The following EPB41L3 variants were observed in gnomAD, a reference collection of about 807,000 sequenced individuals.
EPB41L3 encodes erythrocyte membrane protein band 4.1 like 3, also known as band 4.1-like protein 3.
EPB41L3 carries 57 observed loss-of-function variants against 127.1 expected under a neutral mutation model. The observed-to-expected ratio is 0.45, with a 90% CI of 0.36 to 0.56. The LOEUF is 0.56. Ranked by LOEUF, EPB41L3 falls within the 20% of genes least tolerant of loss-of-function variation. The pLI, the probability that EPB41L3 is intolerant of heterozygous loss-of-function variation, is 0.00. For synonymous variants in EPB41L3, 572 were observed against 549.5 expected, an observed-to-expected ratio of 1.04 and a Z score of -0.57; for missense variants, 1,273 against 1,372.2, an observed-to-expected ratio of 0.93 and a Z score of 1.14.
At chr18:5,459,738 G>C (rs1308183687) in intron 3 of EPB41L3, among the ~76,000 whole-genome samples, 1 of 152,124 alleles carries the variant, frequency 6.6e-6, no homozygotes, top group Non-Finnish European at 1.5e-5. Context: ...GTGTGTAACA[G>C]ACATACTTAT....
chr18:5,480,269 T>C (rs986232705), intron 2 of EPB41L3: 1 of 152,176 alleles, frequency 6.6e-6, no homozygotes, highest in Non-Finnish European at 1.5e-5. Context: ...GGCCCTTACA[T>C]ACATTTTTTA....
At chr18:5,600,047 A>G (rs1490877757) in intron 3 of EPB41L3, among the ~76,000 whole-genome samples, 1 of 152,228 alleles carries the variant, frequency 6.6e-6, no homozygotes, top group Admixed American at 6.5e-5. Context: ...TGCTAAGTAA[A>G]CAATTCTGAA....
intron 1 of EPB41L3, among the ~76,000 whole-genome samples, chr18:5,541,566 G>C (rs1012838303): frequency 5.3e-5 from 8 of 152,084 alleles, no homozygotes; most frequent in Non-Finnish European, 1.2e-4. Context: ...CTTCTACCTA[G>C]GTGGCCCTTT....
At chr18:5,493,381 C>G (rs1348279921) in intron 1 of EPB41L3, among the ~76,000 whole-genome samples, 1 of 152,076 alleles carries the variant, frequency 6.6e-6, no homozygotes, top group African/African-American at 2.4e-5. Context: ...CTCAAATGGA[C>G]AAACTTTTTA....
At chr18:5,435,776 A>G (rs1022445510) in intron 6 of EPB41L3, among the ~76,000 whole-genome samples, 2 of 152,222 alleles carry the variant, frequency 1.3e-5, no homozygotes, top group African/African-American at 4.8e-5. Flanking sequence ...TACGAGCAAA[A>G]CAGATTTCAG....
At position 5,534,157 on chromosome 18, in the gene EPB41L3, C is replaced by T. The variant is rs567394285; in HGVS notation, c.-12+9756G>A. Among the ~76,000 whole-genome samples the T allele has an allele frequency of 6.6e-5, 10 of 151,854 alleles. No individual in the cohort carries two copies. In the South Asian group the frequency reaches 1.7e-3, roughly 25 times the overall value. On this transcript the variant is annotated intron_variant, in intron 1 of 22. Transcript: ENST00000341928. ...CAGCCTGGGTGACAGAGCGAGACTC[C>T]GTCTCAAAAAAAAGAAAAAAGAAAG...
At chr18:5,457,469 G>A (rs564353493) in intron 3 of EPB41L3, among the ~76,000 whole-genome samples, 48 of 151,930 alleles carry the variant, frequency 3.2e-4, no homozygotes, top group Non-Finnish European at 6.2e-4. Flanking sequence ...AGTAGGCAGT[G>A]AAGTGAAAAT....
intron 1 of EPB41L3, among the ~76,000 whole-genome samples, chr18:5,502,384 C>A (rs1222225570): frequency 6.6e-6 from 1 of 150,770 alleles, no homozygotes; most frequent in Non-Finnish European, 1.5e-5. Flanking sequence ...AGGTATTTTT[C>A]TAAGGTTTAA....
At chr18:5,623,456 A>T (rs997845420) in intron 1 of EPB41L3, among the ~76,000 whole-genome samples, 2 of 152,116 alleles carry the variant, frequency 1.3e-5, no homozygotes, top group Admixed American at 6.5e-5. Context: ...ATTCCTAGTG[A>T]GCAATGGACT....
Position 5,603,623 on chromosome 18 carries a change from G to A in EPB41L3, c.-306+8717C>T, listed in dbSNP as rs980104656. Among the ~76,000 whole-genome samples the A allele has an allele frequency of 2.6e-5, 4 of 152,132 alleles. No homozygotes were observed. In the East Asian group the frequency reaches 5.8e-4, roughly 22 times the overall value. On this transcript the variant is annotated intron_variant, in intron 3 of 21. Coordinates refer to the EPB41L3 transcript ENST00000545076. ...AAGAAGGCTGGGCATGGTGGCTCAC[G>A]CCTAATCTCAGCACTTTGGGAGGCC... is the stretch of plus-strand genomic sequence containing the variant.
chr18:5,556,073 C>T (rs2149172323), intron 3 of EPB41L3, among the ~76,000 whole-genome samples: 1 of 152,332 alleles, frequency 6.6e-6, no homozygotes, highest in African/African-American at 2.4e-5. Context: ...CTACTCACCA[C>T]TGTGTCCCCA....
chr18:5,406,716 C>T, intron 16 of EPB41L3, 61 bp downstream of exon 16: 1 of 1,463,226 alleles, frequency 6.8e-7, no homozygotes, highest in South Asian at 1.2e-5. Flanking sequence ...AATTCCACAC[C>T]CTGTAGAGAA....
Position 5,397,563 on chromosome 18 carries a change from A to C in EPB41L3, c.2473-137T>G. The C allele has an allele frequency of 9.1e-7, 1 of 1,098,558 alleles. No individual in the cohort carries two copies. The highest frequency in any genetic ancestry group is 1.3e-6 in the Non-Finnish European group (1 of 783,188). The allele number at this position is 1,098,558 out of a possible 1,614,324, so 68.1% of individuals were successfully genotyped here. ...ACCAGAAACACTGACGAAAAATATAAATTAGCTTTCATTTCTCCCACTGAA... is the reference window on the plus strand; with the variant it reads ...ACCAGAAACACTGACGAAAAATATACATTAGCTTTCATTTCTCCCACTGAA... On this transcript the variant is annotated intron_variant, in intron 17 of 22. Coordinates refer to ENST00000341928, the MANE Select transcript of EPB41L3 (RefSeq NM_012307.5). The surrounding 1 kb of genome is among the most constrained non-coding windows in gnomAD (Gnocchi z 4.1).
intron 9 of EPB41L3, among the ~76,000 whole-genome samples, chr18:5,426,391 C>T (rs1290931194): frequency 2.6e-5 from 4 of 152,160 alleles, no homozygotes; most frequent in African/African-American, 9.7e-5. Flanking sequence ...CTTTTAATTA[C>T]TTCCTCTATC....
intron 3 of EPB41L3, among the ~76,000 whole-genome samples, chr18:5,455,343 C>T (rs996924882): frequency 6.6e-6 from 1 of 151,978 alleles, no homozygotes; most frequent in South Asian, 2.1e-4. Flanking sequence ...GGAAATTATT[C>T]AAAAATAGTA....
At chr18:5,484,086 CAAAAAA>C (rs57231548) in intron 2 of EPB41L3, among the ~76,000 whole-genome samples, 2 of 18,276 alleles carry the variant, frequency 1.1e-4, no homozygotes, top group Non-Finnish European at 1.3e-4. Context: ...CAAACAAACT[CAAAAAA>C]AAAAAAAAAA....
At position 5,543,137 on chromosome 18, in the gene EPB41L3, C is replaced by T. The variant is rs1343530222; in HGVS notation, c.-12+776G>A. On this transcript the variant is annotated intron_variant, in intron 1 of 22. Coordinates refer to ENST00000341928, the MANE Select transcript of EPB41L3 (RefSeq NM_012307.5). This position sits in a 1 kb window ranked among gnomAD's most constrained non-coding sequence, Gnocchi z 5.2. ...CCCGGCCCGCCCGTGCTCCCGCGCC[C>T]GGGTGCCAGAGGCGAGGGGCCCCGG... 1.3e-5 allele frequency among the ~76,000 whole-genome samples: 2 copies of T among 151,354 alleles called. No homozygotes were observed. Among genetic ancestry groups the T allele is most frequent in the Non-Finnish European group, 3.0e-5 (2 of 67,748 alleles).
chr18:5,565,249 A>AT (rs1348485286), intron 3 of EPB41L3, among the ~76,000 whole-genome samples: 1 of 151,584 alleles, frequency 6.6e-6, no homozygotes, highest in Non-Finnish European at 1.5e-5. Flanking sequence ...AAAAAAAAAA[A>AT]ATACATACAA....
intron 3 of EPB41L3, among the ~76,000 whole-genome samples, chr18:5,585,314 T>C (rs2094432668): frequency 6.6e-6 from 1 of 152,120 alleles, no homozygotes; most frequent in South Asian, 2.1e-4. Flanking sequence ...TTTATGGTTT[T>C]TTTGGTTGTT....
Sources: allele counts gnomAD v4.1 joint callset (sites outside exome capture counted in the v4.1 genomes callset), GRCh38; gene constraint gnomAD v4.1.1; non-coding constraint Gnocchi (gnomAD v3.1); transcripts MANE v1.5; gene names NCBI Gene and HGNC (gene_info 2026-07-23, HGNC 2026-07-21).